SLC1A6: variants seen among roughly 807,000 people sequenced by gnomAD.
SLC1A6 encodes solute carrier family 1 member 6.
Under a neutral mutation model 42.1 loss-of-function variants are expected in SLC1A6, and 15 were observed. The observed-to-expected ratio is 0.36, with a 90% CI of 0.24 to 0.55. The LOEUF is 0.55. SLC1A6 is among the 20% of genes least tolerant of loss of function. SLC1A6 has a pLI of 0.88. For missense variants in SLC1A6, 542 were observed against 772.5 expected (o/e 0.70, Z 3.54); for synonymous variants, 317 against 319.7 (o/e 0.99, Z 0.09).
At chr19:14,978,253 C>A (rs1481249369) in intron 1 of SLC1A6, 2 of 152,200 alleles carry the variant, frequency 1.3e-5, no homozygotes, top group Non-Finnish European at 2.9e-5. Context: ...GTGTGGGCTG[C>A]TTCTCGGAGC....
At chr19:14,980,823 G>A (rs752255064), upstream of SLC1A6, among the ~76,000 whole-genome samples, 4 of 151,672 alleles carry the variant, frequency 2.6e-5, no homozygotes, top group Non-Finnish European at 5.9e-5. Flanking sequence ...TTTTCAGGGC[G>A]GGGACAGGTG....
intron 2 of SLC1A6, 86 bp downstream of exon 2, chr19:14,972,620 C>T: frequency 1.8e-6 from 2 of 1,102,206 alleles, no homozygotes; most frequent in Non-Finnish European, 2.7e-6. Context: ...TGAAGGGGTG[C>T]AGCAAAGAGA....
chr19:15,005,511 CA>C (rs1344164800), intron 1 of SLC1A6, among the ~76,000 whole-genome samples: 2 of 151,794 alleles, frequency 1.3e-5, no homozygotes, highest in East Asian at 1.9e-4. Context: ...CTCCTTCTCA[CA>C]AAAACAAAAA....
rs56317513 is a variant in SLC1A6 at position 14,979,050 on chromosome 19, T to TCACACACACACA, written c.-8+247_-8+258dup. Among the ~76,000 whole-genome samples the TCACACACACACA allele has an allele frequency of 5.8e-3, 761 of 131,396 alleles. 9 individuals carry two copies. The highest frequency in any genetic ancestry group is 0.01 in the South Asian group (37 of 3,594). The allele number at this position is 131,396 out of a possible 152,430, so 86.2% of individuals were successfully genotyped here. A position where few individuals can be genotyped will look rare whatever the true frequency, so the allele number is the denominator to read the frequency against. On this transcript the variant is annotated intron_variant, in intron 1 of 9. Transcript: ENST00000594383. The surrounding 1 kb of genome is among the most constrained non-coding windows in gnomAD (Gnocchi z 4.2). ...CAAATTCAGTCTCTCTCTCTCTCTG[T>TCACACACACACA]CACACACACACACACACACACACAC...
chr19:14,987,468 G>A (rs11671209), intron 1 of SLC1A6, among the ~76,000 whole-genome samples: 23,038 of 150,726 alleles, frequency 0.15, 1,891 homozygotes, highest in Middle Eastern at 0.24. Flanking sequence ...ACTCTGTCTC[G>A]GAAAAAAAAA....
At chr19:14,975,614 A>G (rs956753256) in intron 1 of SLC1A6, among the ~76,000 whole-genome samples, 24 of 151,734 alleles carry the variant, frequency 1.6e-4, no homozygotes, top group Admixed American at 1.4e-3. Flanking sequence ...AATTAGCTGG[A>G]TGTGTCACAC....
chr19:14,989,512 C>T (rs866046045), intron 1 of SLC1A6, among the ~76,000 whole-genome samples: 1 of 151,918 alleles, frequency 6.6e-6, no homozygotes, highest in African/African-American at 2.4e-5. Context: ...CCGCCCACCT[C>T]GGCCTCCCAA....
At chr19:14,994,569 G>A (rs1456620836) in intron 1 of SLC1A6, among the ~76,000 whole-genome samples, 1 of 152,120 alleles carries the variant, frequency 6.6e-6, no homozygotes, top group Non-Finnish European at 1.5e-5. Context: ...GCAACCCTCC[G>A]ACTTGCTCTG....
At chr19:15,003,415 G>A (rs961741375) in intron 1 of SLC1A6, among the ~76,000 whole-genome samples, 6 of 152,140 alleles carry the variant, frequency 3.9e-5, no homozygotes, top group African/African-American at 1.2e-4. Flanking sequence ...CCAGCCTGGG[G>A]CTTCCCACCA....
upstream of SLC1A6, among the ~76,000 whole-genome samples, chr19:14,981,613 A>T (rs2045768214): frequency 6.6e-6 from 1 of 152,194 alleles, no homozygotes; most frequent in African/African-American, 2.4e-5. Context: ...GTGCACTTGG[A>T]TGTGCTAGAG....
At chr19:14,993,789 C>T (rs1403734224) in intron 1 of SLC1A6, among the ~76,000 whole-genome samples, 5 of 152,168 alleles carry the variant, frequency 3.3e-5, no homozygotes, top group African/African-American at 1.2e-4. Context: ...GGTGCTCCTT[C>T]AGCTGAGTGC....
intron 3 of SLC1A6, among the ~76,000 whole-genome samples, chr19:14,970,770 T>C (rs1600007724): frequency 6.6e-6 from 1 of 151,964 alleles, no homozygotes; most frequent in East Asian, 1.9e-4. Context: ...GTTAGTCAAC[T>C]GTTTATGCTC....
intron 1 of SLC1A6, among the ~76,000 whole-genome samples, chr19:15,003,754 G>A (rs77090254): frequency 0.015 from 2,313 of 151,716 alleles, 25 homozygotes; most frequent in Middle Eastern, 0.034. Context: ...ACTCGATTTC[G>A]CCCAAAAGCA....
At chr19:14,952,858 G>A (rs1389179125) in intron 9 of SLC1A6, 70 bp downstream of exon 9, 16 of 1,541,698 alleles carry the variant, frequency 1.0e-5, no homozygotes, top group Non-Finnish European at 1.2e-5. Context: ...TCCACAGGTC[G>A]AGGACGTTGC....
intron 3 of SLC1A6, among the ~76,000 whole-genome samples, chr19:14,969,126 C>T (rs1356371800): frequency 1.3e-5 from 2 of 152,206 alleles, no homozygotes; most frequent in Non-Finnish European, 2.9e-5. Context: ...AGGCATGAGC[C>T]ACTGCGCCTG....
At chr19:14,989,483 A>G (rs944155266) in intron 1 of SLC1A6, among the ~76,000 whole-genome samples, 5 of 150,982 alleles carry the variant, frequency 3.3e-5, no homozygotes, top group Admixed American at 6.6e-5. Flanking sequence ...CTGGTCTTGA[A>G]CTCCCGACCT....
chr19:14,965,045 A>T (rs1479004164), intron 4 of SLC1A6, among the ~76,000 whole-genome samples: 3 of 148,598 alleles, frequency 2.0e-5, no homozygotes, highest in Non-Finnish European at 4.5e-5. Context: ...TTTTAGATGG[A>T]GTCTTGCTCT....
chr19:14,983,247 A>G (rs1181699264), upstream of SLC1A6, among the ~76,000 whole-genome samples: 3 of 152,120 alleles, frequency 2.0e-5, no homozygotes, highest in African/African-American at 7.2e-5. Context: ...CAAGCATCCT[A>G]TTTGTGGCCT....
chr19:14,957,179 C>T (rs2045470803), intron 6 of SLC1A6, among the ~76,000 whole-genome samples: 1 of 152,156 alleles, frequency 6.6e-6, no homozygotes, highest in African/African-American at 2.4e-5. Flanking sequence ...TGCCTGTTAT[C>T]ACTCATTCAC....
Sources: allele counts gnomAD v4.1 joint callset (sites outside exome capture counted in the v4.1 genomes callset), GRCh38; gene constraint gnomAD v4.1.1; non-coding constraint Gnocchi (gnomAD v3.1); transcripts MANE v1.5; gene names NCBI Gene and HGNC (gene_info 2026-07-23, HGNC 2026-07-21).